TTN: variants seen among roughly 807,000 people sequenced by gnomAD.
The protein encoded by TTN is connectin.
A neutral mutation model predicts 3,223.0 loss-of-function variants in TTN; 1,525 were observed. The observed-to-expected ratio is 0.47, with a 90% CI of 0.45 to 0.49. The LOEUF (loss-of-function observed/expected upper bound fraction) is 0.49, where lower values mean the gene tolerates loss of function less well. Ranked by LOEUF, TTN falls within the 20% of genes least tolerant of loss-of-function variation. TTN has a pLI of 0.00. For synonymous variants in TTN, 14,094 were observed against 15,161.0 expected, an observed-to-expected ratio of 0.93 and a Z score of 5.17; for missense variants, 40,786 against 43,424.0, an observed-to-expected ratio of 0.94 and a Z score of 5.40.
At position 178,565,691 on chromosome 2, in the gene TTN, C is replaced by G; in HGVS notation, c.80441G>C (p.Gly26814Ala). ...PEHDGGSRVL[G>A]YVVEMQPKGT... ...TTTGGGCTGCATTTCAACAACGTAC[C>G]CCAGGACTCTGCTACCGCCATCATG... The change falls in exon 326 of 363, where the codon GGG becomes GCG. Residue 26814 changes from glycine (G) to alanine (A), a missense_variant. Gly to Ala is a moderately conservative substitution (Grantham distance 60). Transcript: ENST00000589042. 1 of 1,613,582 alleles carries G rather than the reference C, an allele frequency of 6.2e-7. No homozygotes were observed.
Position 178,776,417 on chromosome 2 carries a change from A to G in TTN, c.5447T>C (p.Ile1816Thr), listed in dbSNP as rs1247844491. Residue 1816 changes from isoleucine (I) to threonine (T), a missense_variant, in exon 28 of 363, where the codon ATT becomes ACT. Transcript: ENST00000589042. ...ATGAGCCATTCTCTCTAATTCTTCA[A>G]TTCTCTGTAAGCCTTTCCTCCCCTC... ...LPEGRKGLQRIEELERMAHEG... is the reference protein window; with the variant it reads ...LPEGRKGLQRTEELERMAHEG... 2 of 1,611,084 alleles carry G rather than the reference A, an allele frequency of 1.2e-6. No individual in the cohort carries two copies. The highest frequency in any genetic ancestry group is 2.2e-5 in the East Asian group (1 of 44,858).
rs751994960 is a variant in TTN, at chr2:178,756,565, G to T, written c.10911C>A (p.Ser3637=). 1.2e-6 allele frequency: 2 copies of T among 1,611,570 alleles called. No homozygotes were observed. The highest frequency in any genetic ancestry group is 1.7e-6 in the Non-Finnish European group (2 of 1,178,258). The part of the protein sequence containing the change: ...VQDTQLCHTA[S]LSQIAESTEL... Reference sequence around the variant, plus strand: ...CAGTGCTTTCTGCAATTTGTGAAAGGGATGCAGTATGGCACAACTGTGTAT... The same window carrying T: ...CAGTGCTTTCTGCAATTTGTGAAAGTGATGCAGTATGGCACAACTGTGTAT... The change falls in exon 46 of 363, where the codon TCC becomes TCA. Residue 3637 remains serine, a synonymous_variant. Coordinates refer to ENST00000589042, the MANE Select transcript of TTN (RefSeq NM_001267550.2).
intron 90 of TTN, 103 bp downstream of exon 90, chr2:178,714,883 G>T: frequency 1.4e-6 from 2 of 1,424,346 alleles, no homozygotes; most frequent in Middle Eastern, 1.8e-4. Flanking sequence ...AAGGGAAAGT[G>T]GAATAGGCTG....
chr2:178,595,312 T>C (rs2154187964), intron 295 of TTN, among the ~76,000 whole-genome samples, 195 bp downstream of exon 295: 1 of 151,850 alleles, frequency 6.6e-6, no homozygotes, highest in South Asian at 2.1e-4. Flanking sequence ...AGAAATTCAA[T>C]GAATTATACA....
rs2046857327 is a variant in TTN, at chr2:178,578,121, T to C, written c.68394A>G (p.Ile22798Met). 1 of 1,613,234 alleles carries C rather than the reference T, an allele frequency of 6.2e-7. No individual in the cohort carries two copies. Among genetic ancestry groups the C allele is most frequent in the Non-Finnish European group, 8.5e-7 (1 of 1,179,426 alleles). Residue 22798 changes from isoleucine to methionine, a missense_variant, in exon 322 of 363, where the codon ATA becomes ATG. By Grantham distance (10) the Ile-to-Met change is conservative (BLOSUM62 1). Coordinates refer to ENST00000589042, the MANE Select transcript of TTN (RefSeq NM_001267550.2). ...LLWKRANKTP[I>M]RMRDFKVTGL... ...CTGTCACTTTAAAGTCTCTCATCCT[T>C]ATCGGAGTCTTGTTAGCTCTCTTCC...
In TTN at chr2:178,722,933, C is replaced by T. The variant is rs773546767; in HGVS notation, c.21966G>A (p.Pro7322=). 15 of 1,608,862 alleles carry T rather than the reference C, an allele frequency of 9.3e-6. No individual in the cohort carries two copies. The highest frequency in any genetic ancestry group is 5.1e-5 in the Admixed American group (3 of 59,346). Residue 7322 remains proline, a synonymous_variant, in exon 76 of 363, where the codon CCG becomes CCA. Coordinates refer to ENST00000589042, the MANE Select transcript of TTN (RefSeq NM_001267550.2). Reference sequence around the variant, plus strand: ...GTTCCAGTTCCGTAACAAAATAAGGCGGTTCTAAGGAAGAAAGGCTCACAG... The same window carrying T: ...GTTCCAGTTCCGTAACAAAATAAGGTGGTTCTAAGGAAGAAAGGCTCACAG... ...VCGALVSTLE[P]PYFVTELEPL...
rs575456685 is a variant in TTN at position 178,756,143 on chromosome 2, G to A, written c.11254+79C>T. ...AGATATTCTAATTAATATATTCGTC[G>A]ATTGAATTTGCATGGCAGAAAAGCT... On this transcript the variant is annotated intron_variant, in intron 46 of 362. Transcript: ENST00000589042. The A allele has an allele frequency of 1.3e-5, 14 of 1,066,810 alleles. No individual in the cohort carries two copies. In the South Asian group the frequency reaches 1.6e-4, roughly 12 times the overall value. The allele number at this position is 1,066,810 out of a possible 1,614,324, so 66.1% of individuals were successfully genotyped here. A position where few individuals can be genotyped will look rare whatever the true frequency, so the allele number is the denominator to read the frequency against.
chr2:178,699,884 C>A (rs1446370358), intron 111 of TTN, among the ~76,000 whole-genome samples: 1 of 150,444 alleles, frequency 6.6e-6, no homozygotes, highest in Non-Finnish European at 1.5e-5. Context: ...CCCACCACCA[C>A]GCCCGGCTAA....
In TTN at chr2:178,545,854, A is replaced by G. The variant is rs373617528; in HGVS notation, c.95382T>C (p.Val31794=). Residue 31794 remains valine (V), a synonymous_variant, in exon 343 of 363, where the codon GTT becomes GTC. Coordinates refer to ENST00000589042, the MANE Select transcript of TTN (RefSeq NM_001267550.2). Reference sequence around the variant, plus strand: ...TTCTGGCTACAATTGGCTCTGATTCAACAGGCACACCAGGGCCATATTTGT... The same window carrying G: ...TTCTGGCTACAATTGGCTCTGATTCGACAGGCACACCAGGGCCATATTTGT... The part of the protein sequence containing the change: ...AVNKYGPGVP[V]ESEPIVARNS... The G allele has an allele frequency of 3.7e-6, 6 of 1,613,836 alleles. No homozygotes were observed. In the African/African-American group the frequency reaches 8.0e-5, roughly 22 times the overall value.
Position 178,668,939 on chromosome 2 carries a change from C to T in TTN, c.35545+434G>A, listed in dbSNP as rs937006513. 2.6e-5 allele frequency among the ~76,000 whole-genome samples: 4 copies of T among 151,146 alleles called. No individual in the cohort carries two copies. The East Asian group carries it at 7.8e-4, about 30-fold the overall frequency. On this transcript the variant is annotated intron_variant, in intron 159 of 362. Transcript: ENST00000589042. ...TTGAGTGGCCTTGTAAACCTAGGGT[C>T]CTTTGAGCAGTTTTGCCAAAATGTT...
rs377071916 is a variant in TTN, at chr2:178,538,983, G to A, written c.98952C>T (p.Ser32984=). 1.2e-5 allele frequency: 20 copies of A among 1,612,254 alleles called. No individual in the cohort carries two copies. The highest frequency in any genetic ancestry group is 2.7e-5 in the African/African-American group (2 of 74,888). The change falls in exon 353 of 363, where the codon AGC becomes AGT. Residue 32984 remains serine, a synonymous_variant. Coordinates refer to ENST00000589042, the MANE Select transcript of TTN (RefSeq NM_001267550.2). The stretch of plus-strand genomic sequence containing the variant: ...TGCAAACAACTGGTTCAGAAGCAGG[G>A]CTGGTCTCACTCAGGCCAACATCAT... The part of the protein sequence containing the change: ...AQNDVGLSET[S]PASEPVVCKD...
rs373552034 is a variant in TTN at position 178,698,815 on chromosome 2, A to G, written c.30754+28T>C. ...AAGTTTTGGCCAAGAAAAAAGTGTT[A>G]AGACTGCTTTTTGATTAATTATAAT... On this transcript the variant is annotated intron_variant, in intron 112 of 362. Coordinates refer to ENST00000589042, the MANE Select transcript of TTN (RefSeq NM_001267550.2). The G allele has an allele frequency of 2.3e-5, 36 of 1,533,862 alleles. 1 individual carries two copies. The East Asian group carries it at 2.7e-4, about 12-fold the overall frequency.
At position 178,570,501 on chromosome 2, in the gene TTN, G is replaced by A. The variant is rs770140755; in HGVS notation, c.75631C>T (p.Pro25211Ser). ...GCTGTAACTCCTGAGATAACAACAG[G>A]TCCTTCAGGTGGCCCTGGTCTGTCA... is the stretch of plus-strand genomic sequence containing the variant. ...VLDRPGPPEG[P>S]VVISGVTAEK... is the part of the protein sequence containing the mutation. Residue 25211 changes from proline to serine, a missense_variant, in exon 326 of 363, where the codon CCT (proline) becomes TCT (serine). Coordinates refer to ENST00000589042, the MANE Select transcript of TTN (RefSeq NM_001267550.2). 6.2e-7 allele frequency: 1 copy of A among 1,613,216 alleles called. No homozygotes were observed. The highest frequency in any genetic ancestry group is 1.7e-5 in the Admixed American group (1 of 59,950).
Position 178,572,077 on chromosome 2 carries a change from G to C in TTN, c.74055C>G (p.Tyr24685Ter). ...TITGLIQGEE[Y>*]SFRVSAQNEK... ...CATTCTGAGCTGAAACACGGAAAGA[G>C]TATTCTTCACCCTGAATTAATCCAG... is the stretch of plus-strand genomic sequence containing the variant. Residue 24685 changes from tyrosine (Y) to a stop codon, truncating the protein, a stop_gained, in exon 326 of 363, where the codon TAC becomes TAG. Transcript: ENST00000589042. LOFTEE classifies it high-confidence loss of function. The C allele has an allele frequency of 6.2e-7, 1 of 1,613,248 alleles. No individual in the cohort carries two copies. Among genetic ancestry groups the C allele is most frequent in the East Asian group, 2.2e-5 (1 of 44,680 alleles).
Position 178,565,166 on chromosome 2 carries a change from A to G in TTN, c.80966T>C (p.Phe26989Ser), listed in dbSNP as rs1351288093. The stretch of plus-strand genomic sequence containing the variant: ...TGGAGGTTCCCAAGATATGACTACA[A>G]AGTCTGCACTAACTTCATCAAACCG... ...PVRFDEVSADFVVISWEPPAY... is the reference protein window; with the variant it reads ...PVRFDEVSADSVVISWEPPAY... Residue 26989 changes from phenylalanine to serine, a missense_variant, in exon 326 of 363, where the codon TTT becomes TCT. By Grantham distance (155) the Phe-to-Ser change is radical (BLOSUM62 -2). Transcript: ENST00000589042. The G allele has an allele frequency of 1.2e-6, 2 of 1,613,312 alleles. No homozygotes were observed. Among genetic ancestry groups the G allele is most frequent in the South Asian group, 1.1e-5 (1 of 91,034 alleles).
At chr2:178,664,781 C>A in intron 166 of TTN, 44 bp from the exon 167 acceptor site, 1 of 1,610,444 alleles carries the variant, frequency 6.2e-7, no homozygotes, top group Non-Finnish European at 8.5e-7. Flanking sequence ...ATGCAGATAA[C>A]TAGGAATAGC....
Position 178,539,753 on chromosome 2 carries a change from C to T in TTN, c.98312G>A (p.Gly32771Asp). Residue 32771 changes from glycine (G) to aspartate (D), a missense_variant, in exon 352 of 363, where the codon GGC (glycine) becomes GAC (aspartate). Gly to Asp is a moderately conservative substitution (Grantham distance 94). Transcript: ENST00000589042. ...ATTTTCCAGAACCAGGTCATAAGTG[C>T]CAGAATCACCCCTGTCTGCTTCTTT... ...VIKEADRGDS[G>D]TYDLVLENKC... is the part of the protein sequence containing the mutation. The T allele has an allele frequency of 1.2e-6, 2 of 1,613,752 alleles. No individual in the cohort carries two copies. Among genetic ancestry groups the T allele is most frequent in the Non-Finnish European group, 1.7e-6 (2 of 1,179,752 alleles).
Position 178,723,842 on chromosome 2 carries a change from G to C in TTN, c.21403+14C>G. ...TTTGTAAGAAATTCCTTACAAGTTT[G>C]ACTGTCTACTGACCTTGTACAGTTA... On this transcript the variant is annotated intron_variant, in intron 73 of 362. Transcript: ENST00000589042. 5 of 1,582,062 alleles carry C rather than the reference G, an allele frequency of 3.2e-6. No individual in the cohort carries two copies. Among genetic ancestry groups the C allele is most frequent in the Non-Finnish European group, 4.3e-6 (5 of 1,161,780 alleles).
intron 219 of TTN, 158 bp from the exon 220 acceptor site, chr2:178,641,473 G>GT: frequency 1.1e-4 from 52 of 460,410 alleles, no homozygotes; most frequent in Non-Finnish European, 1.6e-4. Flanking sequence ...AGTGTTTTTT[G>GT]TTTTGTTTTT....
Sources: gnomAD v4.1 joint callset for allele counts (sites outside exome capture counted in the v4.1 genomes callset) on GRCh38, gnomAD v4.1.1 for gene constraint, MANE v1.5 for transcripts, NCBI Gene and HGNC (gene_info 2026-07-23, HGNC 2026-07-21) for gene names.